CCAR2: variants seen among roughly 807,000 people sequenced by gnomAD.
CCAR2 encodes the protein cell cycle and apoptosis regulator protein 2.
In CCAR2, 21 loss-of-function variants were observed where a neutral mutation model predicts 108.1. That is an observed-to-expected ratio of 0.19 (90% CI 0.14 to 0.28). The LOEUF is 0.28. CCAR2 is among the 10% of genes least tolerant of loss of function. CCAR2 has a pLI of 1.00. For missense variants in CCAR2, 1,126 were observed against 1,177.0 expected (o/e 0.96, Z 0.63); for synonymous variants, 577 against 472.8 (o/e 1.22, Z -2.86).
chr8:22,616,809 C>CTCTG (rs1801529105), intron 14 of CCAR2, among the ~76,000 whole-genome samples: 1 of 141,196 alleles, frequency 7.1e-6, no homozygotes, highest in Admixed American at 7.2e-5. Context: ...GAGTAAGACT[C>CTCTG]TCTGTCTCAA....
intron 7 of CCAR2, among the ~76,000 whole-genome samples, chr8:22,610,534 C>T (rs949804688): frequency 4.6e-5 from 7 of 152,130 alleles, no homozygotes; most frequent in African/African-American, 9.7e-5. Context: ...AGCTAGAGGC[C>T]GACAGCATTC....
chr8:22,616,507 T>A, intron 14 of CCAR2: 2 of 524,654 alleles, frequency 3.8e-6, no homozygotes, highest in Non-Finnish European at 6.8e-6. Context: ...GTGCTTTGAT[T>A]GCCTGATGGT....
In CCAR2 at chr8:22,614,466, C is replaced by G. The variant is rs762400398; in HGVS notation, c.1004C>G (p.Pro335Arg). 1 of 1,614,172 alleles carries G rather than the reference C, an allele frequency of 6.2e-7. No individual in the cohort carries two copies. Among genetic ancestry groups the G allele is most frequent in the South Asian group, 1.1e-5 (1 of 91,086 alleles). ...CTCTTTGTGGATGACATGGCTGAGC[C>G]AAGGGAGACGCCAGAGCATCCTCTG... Reference protein sequence around the residue: ...CMLFVDDMAEPRETPEHPLKQ... With the variant: ...CMLFVDDMAERRETPEHPLKQ... The change falls in exon 10 of 21, where the codon CCA becomes CGA. Residue 335 changes from proline to arginine, a missense_variant. Physicochemically the swap from Pro to Arg is moderately radical, Grantham distance 103. Transcript: ENST00000308511.
chr8:22,611,067 TA>T (rs1199630883), intron 7 of CCAR2, among the ~76,000 whole-genome samples: 1 of 151,566 alleles, frequency 6.6e-6, no homozygotes, highest in Admixed American at 6.6e-5. Flanking sequence ...ATTAAAATAA[TA>T]TAAATACGTA....
Position 22,619,768 on chromosome 8 carries a change from A to C in CCAR2, c.*86A>C. ...CCTTGCGGTACCAGAAAGCAGCGAGAGCGAGACCTGGGAGCCAGGGCAGGG... is the reference window on the plus strand; with the variant it reads ...CCTTGCGGTACCAGAAAGCAGCGAGCGCGAGACCTGGGAGCCAGGGCAGGG... On this transcript the variant is annotated 3_prime_UTR_variant, in exon 21 of 21. Transcript: ENST00000308511. 3.5e-6 allele frequency: 5 copies of C among 1,445,546 alleles called. No individual in the cohort carries two copies. Among genetic ancestry groups the C allele is most frequent in the East Asian group, 2.5e-5 (1 of 40,300 alleles). The allele number at this position is 1,445,546 out of a possible 1,614,324, so 89.5% of individuals were successfully genotyped here. A position where few individuals can be genotyped will look rare whatever the true frequency, so the allele number is the denominator to read the frequency against.
At position 22,616,078 on chromosome 8, in the gene CCAR2, A is replaced by G; in HGVS notation, c.1675A>G (p.Met559Val). The change falls in exon 14 of 21, where the codon ATG (methionine) becomes GTG (valine). Residue 559 changes from methionine (M) to valine (V), a missense_variant. Physicochemically the swap from Met to Val is conservative, Grantham distance 21. Transcript: ENST00000308511. ...QRDFGYRVYK[M>V]LLSLPEKVVS... ...GGATTTTGGCTATAGAGTTTATAAGATGCTACTGAGCCTTCCTGAAAAGGT... is the reference window on the plus strand; with the variant it reads ...GGATTTTGGCTATAGAGTTTATAAGGTGCTACTGAGCCTTCCTGAAAAGGT... The G allele has an allele frequency of 6.2e-7, 1 of 1,613,948 alleles. No individual in the cohort carries two copies. Among genetic ancestry groups the G allele is most frequent in the Non-Finnish European group, 8.5e-7 (1 of 1,180,022 alleles).
chr8:22,606,093 T>G lies in CCAR2; in HGVS notation c.67T>G (p.Ser23Ala), dbSNP rs1563902825. ...CTTCTCTTTCCCCATAGGCACAGCTTCAACATCTCTTCTGGGCCCTCCTCC... is the reference window on the plus strand; with the variant it reads ...CTTCTCTTTCCCCATAGGCACAGCTGCAACATCTCTTCTGGGCCCTCCTCC... ...PGGRNFSGTA[S>A]TSLLGPPPGL... Residue 23 changes from serine (S) to alanine (A), a missense_variant, in exon 3 of 21, where the codon TCA (serine) becomes GCA (alanine). This residue lies in a region of CCAR2 where 52 missense variants were observed against 63.7 expected (regional missense o/e 0.82). Transcript: ENST00000308511. 6.2e-7 allele frequency: 1 copy of G among 1,613,896 alleles called. No homozygotes were observed. Among genetic ancestry groups the G allele is most frequent in the Admixed American group, 1.7e-5 (1 of 60,024 alleles).
Position 22,605,819 on chromosome 8 carries a change from C to A in CCAR2, c.46C>A (p.Arg16Ser). 6.2e-7 allele frequency: 1 copy of A among 1,613,964 alleles called. No homozygotes were observed. The highest frequency in any genetic ancestry group is 8.5e-7 in the Non-Finnish European group (1 of 1,179,926). ...GCGGATCAACCCGCTTCCAGGGGGACGCAACTTCTCAGGTGATCACTGTTC... is the reference window on the plus strand; with the variant it reads ...GCGGATCAACCCGCTTCCAGGGGGAAGCAACTTCTCAGGTGATCACTGTTC... ...RQRINPLPGGRNFSGTASTSL... is the reference protein window; with the variant it reads ...RQRINPLPGGSNFSGTASTSL... Residue 16 changes from arginine (R) to serine (S), a missense_variant, in exon 2 of 21, where the codon CGC (arginine) becomes AGC (serine). Physicochemically the swap from Arg to Ser is moderately radical, Grantham distance 110. This residue lies in a region of CCAR2 where 52 missense variants were observed against 63.7 expected (regional missense o/e 0.82). Coordinates refer to ENST00000308511, the MANE Select transcript of CCAR2 (RefSeq NM_001393997.1).
rs200717949 is a variant in CCAR2 at position 22,606,716 on chromosome 8, C to T, written c.242+18C>T. 6.2e-7 allele frequency: 1 copy of T among 1,600,914 alleles called. No homozygotes were observed. The highest frequency in any genetic ancestry group is 8.6e-7 in the Non-Finnish European group (1 of 1,168,632). On this transcript the variant is annotated intron_variant, in intron 4 of 20. Coordinates refer to ENST00000308511, the MANE Select transcript of CCAR2 (RefSeq NM_001393997.1). ...CAGCTAAGGTAGGCTTGAGGTTGGT[C>T]CCCTAACGGAAATGCTTATTGGATT... is the stretch of plus-strand genomic sequence containing the variant.
chr8:22,619,185 A>T lies in CCAR2; in HGVS notation c.2557A>T (p.Thr853Ser). ...SHNRFSATEV[T>S]NKTLAAEMQE... is the part of the protein sequence containing the mutation. ...TAACCGTTTCTCAGCCACTGAAGTA[A>T]CCAATAAGACGCTGGCGGCAGAGAT... The change falls in exon 20 of 21, where the codon ACC becomes TCC. Residue 853 changes from threonine to serine, a missense_variant. Physicochemically the swap from Thr to Ser is moderately conservative, Grantham distance 58 (BLOSUM62 1). Around this residue, in one of 4 missense-constraint regions of CCAR2, gnomAD observed 1,013 missense variants for 993.9 expected, o/e 1.02. Transcript: ENST00000308511. 6.3e-7 allele frequency: 1 copy of T among 1,597,078 alleles called. No individual in the cohort carries two copies. Among genetic ancestry groups the T allele is most frequent in the Non-Finnish European group, 8.5e-7 (1 of 1,172,032 alleles).
chr8:22,617,687 T>G lies in CCAR2; in HGVS notation c.1991-9T>G, dbSNP rs1306502319. The G allele has an allele frequency of 6.2e-7, 1 of 1,614,222 alleles. No individual in the cohort carries two copies. On this transcript the variant is annotated splice_polypyrimidine_tract_variant and intron_variant, in intron 15 of 20. Transcript: ENST00000308511. ...GCCCTGCTCTCCATTTATCTTGGCC[T>G]TTCTGTAGCAGGAGCAAAGCTGGAG...
intron 1 of CCAR2, 199 bp from the exon 2 acceptor site, chr8:22,605,537 T>C: frequency 1.8e-6 from 1 of 568,012 alleles, no homozygotes; most frequent in Non-Finnish European, 3.1e-6. Context: ...CACTAGGTTA[T>C]TGTCAGGGCA....
intron 7 of CCAR2, 28 bp downstream of exon 7, chr8:22,608,093 C>T (rs199870425): frequency 1.9e-6 from 3 of 1,542,364 alleles, no homozygotes; most frequent in Non-Finnish European, 1.8e-6. Context: ...CTTTTTTTGG[C>T]CACTTGTTGA....
chr8:22,607,041 A>G lies in CCAR2; in HGVS notation c.357+17A>G. On this transcript the variant is annotated intron_variant, in intron 5 of 20. Coordinates refer to ENST00000308511, the MANE Select transcript of CCAR2 (RefSeq NM_001393997.1). ...TCCAACCAGGTATTCATATCTCCTT[A>G]GCATGTGCATTGGAAAGGGAAGGGA... is the stretch of plus-strand genomic sequence containing the variant. The G allele has an allele frequency of 6.2e-7, 1 of 1,612,818 alleles. No individual in the cohort carries two copies. Among genetic ancestry groups the G allele is most frequent in the Non-Finnish European group, 8.5e-7 (1 of 1,179,062 alleles).
rs752126428 is a variant in CCAR2 at position 22,614,118 on chromosome 8, A to G, written c.731A>G (p.Gln244Arg). 1 of 1,613,962 alleles carries G rather than the reference A, an allele frequency of 6.2e-7. No individual in the cohort carries two copies. Among genetic ancestry groups the G allele is most frequent in the Non-Finnish European group, 8.5e-7 (1 of 1,180,020 alleles). Reference protein sequence around the residue: ...DSPICDFLELQRRYRSLLVPS... With the variant: ...DSPICDFLELRRRYRSLLVPS... ...CCCATCTGTGACTTCCTAGAACTCCAGCGCCGTTACCGCAGCCTCCTGGTC... is the reference window on the plus strand; with the variant it reads ...CCCATCTGTGACTTCCTAGAACTCCGGCGCCGTTACCGCAGCCTCCTGGTC... The change falls in exon 9 of 21, where the codon CAG becomes CGG. Residue 244 changes from glutamine (Q) to arginine (R), a missense_variant. Around this residue, in one of 4 missense-constraint regions of CCAR2, gnomAD observed 1,013 missense variants for 993.9 expected, o/e 1.02. Transcript: ENST00000308511.
At chr8:22,610,226 TTTTA>T (rs1180401343) in intron 7 of CCAR2, among the ~76,000 whole-genome samples, 4 of 152,256 alleles carry the variant, frequency 2.6e-5, no homozygotes, top group Non-Finnish European at 4.4e-5. Context: ...GGGCAGCAAC[TTTTA>T]TTTATTTATT....
intron 7 of CCAR2, among the ~76,000 whole-genome samples, chr8:22,610,997 T>C (rs1267599422): frequency 6.6e-6 from 1 of 152,130 alleles, no homozygotes; most frequent in East Asian, 1.9e-4. Context: ...TGACTTATTA[T>C]AAAAATGTGT....
intron 7 of CCAR2, chr8:22,612,801 C>T: frequency 2.0e-6 from 1 of 490,560 alleles, no homozygotes; most frequent in Non-Finnish European, 3.5e-6. Context: ...TACAATGTTG[C>T]AGAGTGTGCT....
intron 8 of CCAR2, 56 bp from the exon 9 acceptor site, chr8:22,614,036 C>CATTT: frequency 6.6e-7 from 1 of 1,505,520 alleles, no homozygotes. Flanking sequence ...TTGATGGTTT[C>CATTT]ATTTCGAATG....
Sources: allele counts gnomAD v4.1 joint callset (sites outside exome capture counted in the v4.1 genomes callset), GRCh38; gene constraint gnomAD v4.1.1; regional missense constraint gnomAD v4.1.1; transcripts MANE v1.5; gene names NCBI Gene and HGNC (gene_info 2026-07-23, HGNC 2026-07-21).